SCHIP1: variants seen among roughly 807,000 people sequenced by gnomAD.
SCHIP1 encodes the protein schwannomin interacting protein 1.
A neutral mutation model predicts 29.7 loss-of-function variants in SCHIP1; 8 were observed. The ratio of observed to expected loss-of-function variants is 0.27; its 90% CI spans 0.16 to 0.49. SCHIP1 has a LOEUF of 0.49. Among genes scored for constraint, SCHIP1 ranks in the 20% least tolerant of loss-of-function variants. SCHIP1 has a pLI of 0.99. For missense variants in SCHIP1, 193 were observed against 294.6 expected (o/e 0.66, Z 2.52); for synonymous variants, 76 against 94.9 (o/e 0.80, Z 1.16).
chr3:159,621,787 T>C, the SCHIP1 span, among the ~76,000 whole-genome samples: 3 of 152,094 alleles, frequency 2.0e-5, no homozygotes, highest in African/African-American at 7.2e-5. Context: ...TGCCTCAGCC[T>C]CCCTAGTAGC....
At chr3:159,740,486 C>T in the SCHIP1 span, among the ~76,000 whole-genome samples, 1 of 152,114 alleles carries the variant, frequency 6.6e-6, no homozygotes, top group South Asian at 2.1e-4. Context: ...CAACCCACAG[C>T]CTGTCTTCCA....
At chr3:159,765,004 G>A in the SCHIP1 span, 2 of 1,532,466 alleles carry the variant, frequency 1.3e-6, no homozygotes, top group African/African-American at 1.4e-5. Flanking sequence ...GCCCCCAGAC[G>A]GCGGGACGTG....
At chr3:159,719,899 T>C in the SCHIP1 span, among the ~76,000 whole-genome samples, 1 of 152,178 alleles carries the variant, frequency 6.6e-6, no homozygotes, top group African/African-American at 2.4e-5. Context: ...ACCCAAAGAA[T>C]TATAAATCAT....
the SCHIP1 span, among the ~76,000 whole-genome samples, chr3:159,361,753 A>G: frequency 0.56 from 85,173 of 152,040 alleles, 24,226 homozygotes; most frequent in Non-Finnish European, 0.6. Context: ...TATATTTTAA[A>G]GTAGATTCAG....
the SCHIP1 span, among the ~76,000 whole-genome samples, chr3:159,725,835 T>C: frequency 6.6e-6 from 1 of 152,166 alleles, no homozygotes; most frequent in Admixed American, 6.5e-5. Context: ...GGTATAATTA[T>C]ACTAAGGTAA....
the SCHIP1 span, among the ~76,000 whole-genome samples, chr3:159,280,451 G>A: frequency 6.6e-6 from 1 of 152,290 alleles, no homozygotes; most frequent in South Asian, 2.1e-4. Context: ...GGACCTATGT[G>A]ATAAGTTGCA....
At chr3:159,767,709 T>C in the SCHIP1 span, among the ~76,000 whole-genome samples, 5 of 152,120 alleles carry the variant, frequency 3.3e-5, no homozygotes, top group Non-Finnish European at 7.3e-5. Flanking sequence ...TGGTTCCTTC[T>C]CATCATTCCA....
At chr3:159,589,063 C>A in the SCHIP1 span, among the ~76,000 whole-genome samples, 4 of 152,134 alleles carry the variant, frequency 2.6e-5, no homozygotes, top group African/African-American at 9.7e-5. Flanking sequence ...GCAGTATGGC[C>A]ATTTTTCACA....
chr3:159,355,129 C>A, the SCHIP1 span, among the ~76,000 whole-genome samples: 3 of 152,096 alleles, frequency 2.0e-5, no homozygotes, highest in African/African-American at 7.2e-5. Context: ...AGTTGTCATA[C>A]CTTGCAGACA....
the SCHIP1 span, among the ~76,000 whole-genome samples, chr3:159,705,133 T>C: frequency 6.7e-6 from 1 of 148,654 alleles, no homozygotes; most frequent in Non-Finnish European, 1.5e-5. Context: ...CCGGCTAATT[T>C]TTGTATTTTT....
chr3:159,578,481 C>T, the SCHIP1 span, among the ~76,000 whole-genome samples: 1 of 152,074 alleles, frequency 6.6e-6, no homozygotes, highest in Non-Finnish European at 1.5e-5. Context: ...ATATGTGGCT[C>T]AAATTTTGTT....
the SCHIP1 span, among the ~76,000 whole-genome samples, chr3:159,565,084 G>C: frequency 6.6e-6 from 1 of 152,108 alleles, no homozygotes; most frequent in Non-Finnish European, 1.5e-5. Flanking sequence ...TCTCAAGCTA[G>C]AGTTCTTTGA....
the SCHIP1 span, among the ~76,000 whole-genome samples, chr3:159,569,359 G>A: frequency 9.2e-5 from 14 of 151,976 alleles, no homozygotes; most frequent in African/African-American, 2.2e-4. Flanking sequence ...GATGTTCCCC[G>A]CCCTGTGTTC....
At chr3:159,680,685 ATG>A in the SCHIP1 span, among the ~76,000 whole-genome samples, 3 of 67,774 alleles carry the variant, frequency 4.4e-5, no homozygotes, top group East Asian at 3.8e-4. Flanking sequence ...TATATAATAT[ATG>A]TATATATATA....
At chr3:159,615,257 C>T in the SCHIP1 span, among the ~76,000 whole-genome samples, 2 of 152,274 alleles carry the variant, frequency 1.3e-5, no homozygotes, top group East Asian at 1.9e-4. Context: ...AAGAGCTGGA[C>T]AGGTAACCAA....
chr3:159,750,291 A>G, the SCHIP1 span, among the ~76,000 whole-genome samples: 2 of 146,404 alleles, frequency 1.4e-5, no homozygotes, highest in Non-Finnish European at 3.0e-5. Flanking sequence ...ATATATATAT[A>G]TATATACACA....
At chr3:159,888,865 T>C (rs1717213981) in exon 5 of SCHIP1, 2 of 1,613,934 alleles carry the variant, frequency 1.2e-6, no homozygotes, top group Non-Finnish European at 1.7e-6. Context: ...GAAAAGAAGT[T>C]TAAAACCCAC....
At chr3:159,506,720 G>A in the SCHIP1 span, among the ~76,000 whole-genome samples, 2 of 152,204 alleles carry the variant, frequency 1.3e-5, no homozygotes, top group African/African-American at 4.8e-5. Flanking sequence ...TTGTTGAATA[G>A]GGAATCCTCT....
chr3:159,692,356 A>G, the SCHIP1 span, among the ~76,000 whole-genome samples: 4 of 151,538 alleles, frequency 2.6e-5, no homozygotes, highest in African/African-American at 9.7e-5. Flanking sequence ...ACTTTCAGGT[A>G]CACCAATTAG....
Sources: allele counts gnomAD v4.1 joint callset (sites outside exome capture counted in the v4.1 genomes callset), GRCh38; gene constraint gnomAD v4.1.1; transcripts MANE v1.5; gene names NCBI Gene and HGNC (gene_info 2026-07-23, HGNC 2026-07-21).